PPFIA2: variants seen among roughly 807,000 people sequenced by gnomAD.
The protein encoded by PPFIA2 is PPFI scaffold protein A2.
PPFIA2 carries 46 observed loss-of-function variants against 175.5 expected under a neutral mutation model. The observed-to-expected ratio is 0.26, with a 90% CI of 0.21 to 0.34. The LOEUF is 0.34. Among genes scored for constraint, PPFIA2 ranks in the 10% least tolerant of loss-of-function variants. The pLI is 1.00. For synonymous variants in PPFIA2, 568 were observed against 511.4 expected (o/e 1.11, Z -1.49); for missense variants, 1,179 against 1,506.1 (o/e 0.78, Z 3.60).
chr12:81,502,178 T>G (rs1445097445), intron 4 of PPFIA2, among the ~76,000 whole-genome samples: 1 of 152,118 alleles, frequency 6.6e-6, no homozygotes, highest in Non-Finnish European at 1.5e-5. Flanking sequence ...TAATACTGAC[T>G]CTCAGAGAAC....
At chr12:81,352,377 CAGAGAGAG>C (rs112117854) in intron 17 of PPFIA2, among the ~76,000 whole-genome samples, 5 of 145,264 alleles carry the variant, frequency 3.4e-5, no homozygotes, top group East Asian at 2.1e-4. Flanking sequence ...GGGGGGCAGA[CAGAGAGAG>C]AGAGAGAGAG....
intron 28 of PPFIA2, among the ~76,000 whole-genome samples, chr12:81,272,941 C>G (rs994360555): frequency 6.6e-6 from 1 of 152,034 alleles, no homozygotes; most frequent in East Asian, 1.9e-4. Flanking sequence ...TGTTCTAAAC[C>G]TCAAATATAC....
At chr12:81,698,140 T>C (rs543476884) in intron 3 of PPFIA2, among the ~76,000 whole-genome samples, 1 of 152,116 alleles carries the variant, frequency 6.6e-6, no homozygotes, top group South Asian at 2.1e-4. Context: ...AGGCCAGGAG[T>C]TGAAAAACTT....
At chr12:81,262,177 C>A in intron 31 of PPFIA2, 137 bp from the exon 32 acceptor site, 1 of 630,078 alleles carries the variant, frequency 1.6e-6, no homozygotes, top group South Asian at 1.9e-5. Flanking sequence ...ATAAGCCACT[C>A]ACATTCCTCT....
In PPFIA2 at chr12:81,714,395, A is replaced by G. The variant is rs747234425; in HGVS notation, c.250-37551T>C. Among the ~76,000 whole-genome samples, 75 of 151,006 alleles carry G rather than the reference A, an allele frequency of 5.0e-4. 1 individual carries two copies. The highest frequency in any genetic ancestry group is 9.3e-4 in the Non-Finnish European group (63 of 67,780). On this transcript the variant is annotated intron_variant, in intron 3 of 32. Transcript: ENST00000549396. ...GGTATGAAAGGCAGCTGAGTGAGCA[A>G]TTTCTTAGAAGGTGAATGAGAATTA...
chr12:81,513,630 G>T (rs1220523384), intron 4 of PPFIA2, among the ~76,000 whole-genome samples: 1 of 151,688 alleles, frequency 6.6e-6, no homozygotes, highest in East Asian at 1.9e-4. Flanking sequence ...GACATCTTAT[G>T]GTATGTTCAC....
intron 3 of PPFIA2, among the ~76,000 whole-genome samples, chr12:81,700,055 A>G (rs1160472429): frequency 1.3e-5 from 2 of 152,008 alleles, no homozygotes. Context: ...CCCATATCCT[A>G]TGACCATTTG....
At chr12:81,744,225 C>G (rs1597134246) in intron 3 of PPFIA2, among the ~76,000 whole-genome samples, 1 of 151,998 alleles carries the variant, frequency 6.6e-6, no homozygotes, top group East Asian at 1.9e-4. Flanking sequence ...TAAAATGGAT[C>G]TTATAGTCTA....
Position 81,457,816 on chromosome 12 carries a change from T to C in PPFIA2, c.354A>G (p.Leu118=). The C allele has an allele frequency of 1.2e-6, 2 of 1,611,236 alleles. No homozygotes were observed. The highest frequency in any genetic ancestry group is 1.7e-6 in the Non-Finnish European group (2 of 1,178,670). ...GTTCAGAGATTTCTTCTTCCTTTTCTAGAAGTTGTTCCCTGCAGGCATTTA... is the reference window on the plus strand; with the variant it reads ...GTTCAGAGATTTCTTCTTCCTTTTCCAGAAGTTGTTCCCTGCAGGCATTTA... The part of the protein sequence containing the change: ...KELNACREQL[L]EKEEEISELK... Residue 118 remains leucine, a synonymous_variant, in exon 5 of 33, where the codon CTA becomes CTG. Transcript: ENST00000549396.
At chr12:81,538,237 C>T (rs1450307999) in intron 4 of PPFIA2, among the ~76,000 whole-genome samples, 1 of 151,862 alleles carries the variant, frequency 6.6e-6, no homozygotes, top group Non-Finnish European at 1.5e-5. Flanking sequence ...AGCATAATTA[C>T]TGCATATTGA....
intron 19 of PPFIA2, among the ~76,000 whole-genome samples, chr12:81,341,801 G>A (rs2058135632): frequency 6.6e-6 from 1 of 151,948 alleles, no homozygotes; most frequent in Non-Finnish European, 1.5e-5. Flanking sequence ...ACACACATTT[G>A]AACAATTCAC....
chr12:81,443,845 C>CTTTTTTTTTTTTTTTT lies in PPFIA2; in HGVS notation c.570+1695_570+1710dup, dbSNP rs1183160145. ...ATACCTAGATCAAATGCCAACCTTT[C>CTTTTTTTTTTTTTTTT]TTTTTTTTTTTTTTTTTTTTTTTTT... On this transcript the variant is annotated intron_variant, in intron 6 of 32. Transcript: ENST00000549396. 1.4e-4 allele frequency among the ~76,000 whole-genome samples: 10 copies of CTTTTTTTTTTTTTTTT among 71,162 alleles called. 1 individual carries two copies. Among genetic ancestry groups the CTTTTTTTTTTTTTTTT allele is most frequent in the African/African-American group, 4.7e-4 (8 of 16,868 alleles). The allele number at this position is 71,162 out of a possible 152,430, so 46.7% of individuals were successfully genotyped here.
chr12:81,293,095 C>T (rs1037619618), intron 24 of PPFIA2, among the ~76,000 whole-genome samples: 3 of 151,664 alleles, frequency 2.0e-5, no homozygotes, highest in African/African-American at 7.3e-5. Context: ...CTGAAAACTG[C>T]AATAAAGTAA....
chr12:81,403,492 C>G (rs1387712346), intron 8 of PPFIA2, among the ~76,000 whole-genome samples: 1 of 152,144 alleles, frequency 6.6e-6, no homozygotes, highest in Non-Finnish European at 1.5e-5. Context: ...AGGTGATGGT[C>G]AGGTGGTTGT....
intron 32 of PPFIA2, chr12:81,260,967 T>G (rs539861917): frequency 1.3e-5 from 2 of 152,108 alleles, no homozygotes; most frequent in East Asian, 3.9e-4. Flanking sequence ...AGACTGTTTT[T>G]CAATAAAACC....
chr12:81,685,440 T>A (rs1199314965), intron 3 of PPFIA2, among the ~76,000 whole-genome samples: 1 of 152,074 alleles, frequency 6.6e-6, no homozygotes, highest in Non-Finnish European at 1.5e-5. Context: ...AGGGGAAATA[T>A]CTCTTTCTTT....
At chr12:81,466,401 T>A (rs2055631994) in intron 4 of PPFIA2, among the ~76,000 whole-genome samples, 1 of 152,168 alleles carries the variant, frequency 6.6e-6, no homozygotes, top group South Asian at 2.1e-4. Context: ...TTAGTAACTT[T>A]TGTTTTCAAA....
At chr12:81,379,674 T>C (rs1217259963) in intron 9 of PPFIA2, among the ~76,000 whole-genome samples, 1 of 152,208 alleles carries the variant, frequency 6.6e-6, no homozygotes, top group African/African-American at 2.4e-5. Context: ...TGTCTAGCTT[T>C]AATCCAACTC....
At chr12:81,302,791 G>A (rs555990143) in intron 22 of PPFIA2, 30 of 378,536 alleles carry the variant, frequency 7.9e-5, no homozygotes, top group African/African-American at 4.6e-4. Context: ...TAAAATAATC[G>A]GCACCATACA....
Sources: gnomAD v4.1 joint callset for allele counts (sites outside exome capture counted in the v4.1 genomes callset) on GRCh38, gnomAD v4.1.1 for gene constraint, MANE v1.5 for transcripts, NCBI Gene and HGNC (gene_info 2026-07-23, HGNC 2026-07-21) for gene names.